The following CNTNAP2 variants were observed in gnomAD, a reference collection of about 807,000 sequenced individuals.
The protein encoded by CNTNAP2 is contactin-associated protein-like 2.
In CNTNAP2, 98 loss-of-function variants were observed where a neutral mutation model predicts 155.2. That is an observed-to-expected ratio of 0.63 (90% confidence interval 0.54 to 0.75). The LOEUF (loss-of-function observed/expected upper bound fraction) is 0.75. CNTNAP2 is among the 30% of genes least tolerant of loss of function. The pLI, the probability that CNTNAP2 is intolerant of heterozygous loss-of-function variation, is 0.00. For synonymous variants in CNTNAP2, 651 were observed against 631.2 expected, an observed-to-expected ratio of 1.03 and a Z score of -0.47; for missense variants, 1,727 against 1,688.1, an observed-to-expected ratio of 1.02 and a Z score of -0.40.
At chr7:146,761,441 A>G (rs1329692906) in intron 1 of CNTNAP2, among the ~76,000 whole-genome samples, 3 of 152,136 alleles carry the variant, frequency 2.0e-5, no homozygotes, top group Admixed American at 6.6e-5. Context: ...GATGTAGGAC[A>G]TGATCATTTA....
intron 9 of CNTNAP2, among the ~76,000 whole-genome samples, chr7:147,304,786 T>G (rs1388531400): frequency 1.3e-5 from 2 of 152,198 alleles, no homozygotes; most frequent in African/African-American, 4.8e-5. Context: ...TTTTGGCTGC[T>G]ATAAGAGAAT....
At chr7:148,229,056 A>T (rs888488158) in intron 19 of CNTNAP2, among the ~76,000 whole-genome samples, 11 of 152,108 alleles carry the variant, frequency 7.2e-5, no homozygotes, top group African/African-American at 2.7e-4. Flanking sequence ...GGATCATTTA[A>T]ACTATTTGCA....
chr7:147,961,891 G>T (rs1442475654), intron 14 of CNTNAP2, among the ~76,000 whole-genome samples: 1 of 152,104 alleles, frequency 6.6e-6, no homozygotes, highest in Non-Finnish European at 1.5e-5. Flanking sequence ...TTATTCAAAG[G>T]GGGTAACAAC....
chr7:146,538,781 A>G (rs1262233696), intron 1 of CNTNAP2, among the ~76,000 whole-genome samples: 1 of 152,012 alleles, frequency 6.6e-6, no homozygotes, highest in Non-Finnish European at 1.5e-5. Context: ...TAAGTTTAAA[A>G]GCAGACAAAA....
At chr7:147,639,608 T>G (rs1001151292) in intron 13 of CNTNAP2, among the ~76,000 whole-genome samples, 16 of 152,224 alleles carry the variant, frequency 1.1e-4, no homozygotes, top group Non-Finnish European at 2.2e-4. Context: ...CAGAGCTCCT[T>G]GTGAACATTC....
intron 15 of CNTNAP2, among the ~76,000 whole-genome samples, chr7:148,103,142 G>A (rs1359650571): frequency 6.6e-6 from 1 of 151,746 alleles, no homozygotes; most frequent in Non-Finnish European, 1.5e-5. Flanking sequence ...GTGAGCAGAG[G>A]AGTGATTTTG....
intron 1 of CNTNAP2, among the ~76,000 whole-genome samples, chr7:146,134,464 A>G (rs959179173): frequency 5.3e-5 from 8 of 151,450 alleles, no homozygotes; most frequent in Admixed American, 5.3e-4. Context: ...AGGAGTGGTG[A>G]GAGAGGGCAT....
At chr7:146,510,187 A>G (rs1281178069) in intron 1 of CNTNAP2, among the ~76,000 whole-genome samples, 1 of 152,212 alleles carries the variant, frequency 6.6e-6, no homozygotes, top group Non-Finnish European at 1.5e-5. Flanking sequence ...TCAGCAGTGC[A>G]GTTATATTTC....
chr7:147,708,365 A>G (rs1487192123), intron 13 of CNTNAP2, among the ~76,000 whole-genome samples: 1 of 152,150 alleles, frequency 6.6e-6, no homozygotes, highest in East Asian at 1.9e-4. Context: ...GCTGCCAGCC[A>G]TGACATGCAT....
At chr7:147,470,175 A>G (rs140409698) in intron 10 of CNTNAP2, among the ~76,000 whole-genome samples, 46 of 152,336 alleles carry the variant, frequency 3.0e-4, no homozygotes, top group African/African-American at 1.0e-3. Context: ...TGAGAGTAGA[A>G]TAGGTTGGGT....
chr7:146,608,240 T>G (rs1341438592), intron 1 of CNTNAP2, among the ~76,000 whole-genome samples: 1 of 152,198 alleles, frequency 6.6e-6, no homozygotes, highest in Non-Finnish European at 1.5e-5. Context: ...AATATATTGT[T>G]CCTTTTTCCA....
intron 15 of CNTNAP2, among the ~76,000 whole-genome samples, chr7:148,059,327 A>G (rs1320581234): frequency 1.3e-5 from 2 of 152,044 alleles, no homozygotes; most frequent in East Asian, 3.9e-4. Context: ...ACGGTGGCTC[A>G]CACCTATAAT....
At chr7:147,253,073 C>CAG in intron 8 of CNTNAP2, among the ~76,000 whole-genome samples, 1 of 152,258 alleles carries the variant, frequency 6.6e-6, no homozygotes, top group Non-Finnish European at 1.5e-5. Flanking sequence ...AGTTGAACTT[C>CAG]AGAGAGCCTC....
At chr7:147,603,518 A>C (rs930455204) in intron 12 of CNTNAP2, among the ~76,000 whole-genome samples, 1 of 152,000 alleles carries the variant, frequency 6.6e-6, no homozygotes, top group African/African-American at 2.4e-5. Flanking sequence ...TTACAAGGGA[A>C]GTGAAGGACC....
chr7:146,965,620 G>T (rs986247135), intron 3 of CNTNAP2, among the ~76,000 whole-genome samples: 3 of 152,004 alleles, frequency 2.0e-5, no homozygotes, highest in Non-Finnish European at 4.4e-5. Flanking sequence ...GATGTTTGAA[G>T]TTTAGGTGGG....
chr7:147,501,362 T>A (rs927600243), intron 11 of CNTNAP2, among the ~76,000 whole-genome samples: 2 of 151,988 alleles, frequency 1.3e-5, no homozygotes, highest in African/African-American at 4.8e-5. Context: ...TATTCAACAA[T>A]GCACTGAAAG....
At chr7:147,092,165 T>C (rs1022164902) in intron 4 of CNTNAP2, among the ~76,000 whole-genome samples, 7 of 152,230 alleles carry the variant, frequency 4.6e-5, no homozygotes, top group African/African-American at 1.2e-4. Context: ...ATGCAGGAAG[T>C]TGAAACACAG....
intron 13 of CNTNAP2, among the ~76,000 whole-genome samples, chr7:147,735,082 C>G (rs937907230): frequency 6.6e-6 from 1 of 151,284 alleles, no homozygotes; most frequent in African/African-American, 2.4e-5. Context: ...TGTGTTTGCT[C>G]TTGCTTCTCT....
chr7:147,054,040 C>T (rs1799516678), intron 4 of CNTNAP2, among the ~76,000 whole-genome samples: 1 of 152,132 alleles, frequency 6.6e-6, no homozygotes, highest in Admixed American at 6.5e-5. Flanking sequence ...TCCTGCATAA[C>T]AATCTAGAGC....
Sources: gnomAD v4.1 joint callset for allele counts (sites outside exome capture counted in the v4.1 genomes callset) on GRCh38, gnomAD v4.1.1 for gene constraint, MANE v1.5 for transcripts, NCBI Gene and HGNC (gene_info 2026-07-23, HGNC 2026-07-21) for gene names.